ANKRD29: variants seen among roughly 807,000 people sequenced by gnomAD.
ANKRD29 encodes the protein ankyrin repeat domain 29, also known as ankyrin repeat domain-containing protein 29.
In ANKRD29, 32 loss-of-function variants were observed where a neutral mutation model predicts 38.0. That is an observed-to-expected ratio of 0.84 (90% CI 0.64 to 1.13). The LOEUF is 1.13. ANKRD29 is among the 50% of genes most tolerant of loss of function. ANKRD29 has a pLI of 0.00. For missense variants in ANKRD29, 357 were observed against 377.9 expected (o/e 0.94, Z 0.46); for synonymous variants, 135 against 152.4 (o/e 0.89, Z 0.84).
At chr18:23,624,392 G>A (rs574362781) in intron 6 of ANKRD29, among the ~76,000 whole-genome samples, 7 of 139,850 alleles carry the variant, frequency 5.0e-5, no homozygotes, top group South Asian at 2.3e-4. Flanking sequence ...ACTTGAGCCC[G>A]GGAGGCAGAT....
rs1337831029 is a variant in ANKRD29, at chr18:23,662,881, C to A, written c.-151G>T. 8.0e-6 allele frequency: 5 copies of A among 621,646 alleles called. No homozygotes were observed. Among genetic ancestry groups the A allele is most frequent in the African/African-American group, 4.0e-5 (2 of 50,198 alleles). 38.5% of individuals were successfully genotyped at this position (621,646 alleles called of 1,614,324 possible). On this transcript the variant is annotated 5_prime_UTR_variant, in exon 1 of 10. Transcript: ENST00000592179. ...CGCCGCCCGGCCCGGCAGCAGCCGC[C>A]GCACACAGGGCCGGGCCGAAGGGGC... is the stretch of plus-strand genomic sequence containing the variant.
At chr18:23,638,573 G>T (rs2060032797) in intron 4 of ANKRD29, among the ~76,000 whole-genome samples, 1 of 152,102 alleles carries the variant, frequency 6.6e-6, no homozygotes, top group Non-Finnish European at 1.5e-5. Flanking sequence ...AAAATTTAGT[G>T]TTCTACAGTA....
At position 23,601,257 on chromosome 18, in the gene ANKRD29, A is replaced by T; in HGVS notation, c.875T>A (p.Leu292Gln). The change falls in exon 10 of 10, where the codon CTG becomes CAG. Residue 292 changes from leucine to glutamine, a missense_variant. Transcript: ENST00000592179. The stretch of plus-strand genomic sequence containing the variant: ...CTTTCTGGGACCTTCTTTACTTCTC[A>T]GGAGACGCAATATACGTTCATTTTT... ...LTKNERILRL[L>Q]RSKEGPRKS is the part of the protein sequence containing the mutation. 1 of 1,614,118 alleles carries T rather than the reference A, an allele frequency of 6.2e-7. No homozygotes were observed. The highest frequency in any genetic ancestry group is 8.5e-7 in the Non-Finnish European group (1 of 1,179,998).
At chr18:23,649,260 T>C (rs763220403) in intron 1 of ANKRD29, 67 bp from the exon 2 acceptor site, 64 of 1,140,520 alleles carry the variant, frequency 5.6e-5, no homozygotes, top group Non-Finnish European at 6.9e-5. Context: ...GCTATGCACA[T>C]AGATAATAAC....
At chr18:23,640,478 CT>C (rs2060059724) in intron 3 of ANKRD29, among the ~76,000 whole-genome samples, 1 of 152,172 alleles carries the variant, frequency 6.6e-6, no homozygotes, top group East Asian at 1.9e-4. Flanking sequence ...TGGAAGACTA[CT>C]TGTACAAGAA....
chr18:23,643,333 G>A (rs1022799468), intron 3 of ANKRD29, among the ~76,000 whole-genome samples: 14 of 152,204 alleles, frequency 9.2e-5, no homozygotes, highest in African/African-American at 3.4e-4. Context: ...AGTTGATGAT[G>A]CTGGGTTCCG....
chr18:23,602,276 T>A (rs535969679), intron 9 of ANKRD29, among the ~76,000 whole-genome samples: 288 of 152,124 alleles, frequency 1.9e-3, no homozygotes, highest in Non-Finnish European at 3.1e-3. Context: ...CCTCAAGTGA[T>A]CCGCCCGCCT....
At chr18:23,656,043 A>G (rs997646488) in intron 1 of ANKRD29, among the ~76,000 whole-genome samples, 1 of 148,848 alleles carries the variant, frequency 6.7e-6, no homozygotes, top group African/African-American at 2.5e-5. Flanking sequence ...CAGTGAGCCG[A>G]GATCCCGCCA....
Position 23,617,791 on chromosome 18 carries a change from C to G in ANKRD29, c.664G>C (p.Gly222Arg). The part of the protein sequence containing the change: ...TTALLKAANK[G>R]YNDVIKELLK... ...AACTCTTTTATGACATCATTATACC[C>G]TTTGTTGGCTGCTTTCAATAATGCT... Residue 222 changes from glycine to arginine, a missense_variant, in exon 8 of 10, where the codon GGG (glycine) becomes CGG (arginine). Gly to Arg is a moderately radical substitution (Grantham distance 125). Coordinates refer to ENST00000592179, the MANE Select transcript of ANKRD29 (RefSeq NM_173505.4). 1 of 1,614,030 alleles carries G rather than the reference C, an allele frequency of 6.2e-7. No homozygotes were observed. Among genetic ancestry groups the G allele is most frequent in the Non-Finnish European group, 8.5e-7 (1 of 1,179,974 alleles).
rs189193497 is a variant in ANKRD29, at chr18:23,641,687, A to G, written c.232-2740T>C. Among the ~76,000 whole-genome samples, 181 of 152,332 alleles carry G rather than the reference A, an allele frequency of 1.2e-3. 1 individual carries two copies. Among genetic ancestry groups the G allele is most frequent in the Non-Finnish European group, 2.1e-3 (146 of 68,024 alleles). ...GACACGTTCCCACCCATGGCTTCCC[A>G]TGGACCAATCAGCACACACTCCCTC... On this transcript the variant is annotated intron_variant, in intron 3 of 9. Coordinates refer to ENST00000592179, the MANE Select transcript of ANKRD29 (RefSeq NM_173505.4).
chr18:23,609,879 G>A (rs1295692675), intron 9 of ANKRD29, among the ~76,000 whole-genome samples: 1 of 152,172 alleles, frequency 6.6e-6, no homozygotes, highest in Non-Finnish European at 1.5e-5. Context: ...ACAAATCCAA[G>A]TATCTAAGGA....
At chr18:23,617,895 T>G in intron 7 of ANKRD29, 68 bp from the exon 8 acceptor site, 19 of 1,333,010 alleles carry the variant, frequency 1.4e-5, no homozygotes, top group Non-Finnish European at 1.9e-5. Context: ...AGCAGTCAGT[T>G]GGGAACTGGA....
rs1044281270 is a variant in ANKRD29 at position 23,631,919 on chromosome 18, C to T, written c.430-1968G>A. ...GGTGAGCTTCATTGTTTTCAGACCA[C>T]GGTGGAAAACCAGAGCACACCCTAG... On this transcript the variant is annotated intron_variant, in intron 5 of 9. Transcript: ENST00000592179. 2.6e-5 allele frequency among the ~76,000 whole-genome samples: 4 copies of T among 152,186 alleles called. 1 individual carries two copies. The highest frequency in any genetic ancestry group is 1.3e-4 in the Admixed American group (2 of 15,274).
chr18:23,605,514 T>TTTA (rs1161225576), intron 9 of ANKRD29, among the ~76,000 whole-genome samples: 5 of 151,048 alleles, frequency 3.3e-5, no homozygotes, highest in African/African-American at 4.9e-5. Context: ...CACACAGAAT[T>TTTA]TTATTATTAT....
chr18:23,653,688 G>A (rs2060239770), intron 1 of ANKRD29, among the ~76,000 whole-genome samples: 1 of 151,418 alleles, frequency 6.6e-6, no homozygotes, highest in African/African-American at 2.4e-5. Context: ...GTGCAGTGGC[G>A]CAATCTGGGC....
intron 6 of ANKRD29, among the ~76,000 whole-genome samples, chr18:23,621,351 G>A (rs1001338959): frequency 1.4e-4 from 21 of 152,134 alleles, no homozygotes; most frequent in African/African-American, 5.1e-4. Flanking sequence ...AAGGGAGAGA[G>A]GATGAAGACA....
intron 1 of ANKRD29, chr18:23,649,424 T>G: frequency 1.4e-6 from 1 of 698,564 alleles, no homozygotes. Flanking sequence ...AATCCAGCAC[T>G]ATTAATAACC....
intron 3 of ANKRD29, 101 bp from the exon 4 acceptor site, chr18:23,639,048 C>T: frequency 5.5e-6 from 5 of 910,212 alleles, no homozygotes; most frequent in Non-Finnish European, 6.4e-6. Context: ...GCATAGAAAA[C>T]TTCTAGCCTA....
intron 5 of ANKRD29, among the ~76,000 whole-genome samples, chr18:23,632,533 G>GTATATATATATATATATATATATA (rs61584775): frequency 8.4e-5 from 11 of 130,934 alleles, no homozygotes; most frequent in African/African-American, 3.3e-4. Context: ...GTGTGTGTGT[G>GTATATATATATATATATATATATA]TATATATATA....
Sources: gnomAD v4.1 joint callset for allele counts (sites outside exome capture counted in the v4.1 genomes callset) on GRCh38, gnomAD v4.1.1 for gene constraint, MANE v1.5 for transcripts, NCBI Gene and HGNC (gene_info 2026-07-23, HGNC 2026-07-21) for gene names.